The following PARD3B variants were observed in gnomAD, a reference collection of about 807,000 sequenced individuals.
PARD3B encodes the protein partitioning defective 3 homolog B.
PARD3B carries 103 observed loss-of-function variants against 130.2 expected under a neutral mutation model. The ratio of observed to expected loss-of-function variants is 0.79; its 90% confidence interval spans 0.67 to 0.93. PARD3B has a LOEUF of 0.93. Among genes scored for constraint, PARD3B ranks in the 40% least tolerant of loss-of-function variants. The pLI is 0.00. For synonymous variants in PARD3B, 583 were observed against 553.2 expected (o/e 1.05, Z -0.76); for missense variants, 1,609 against 1,499.2 (o/e 1.07, Z -1.21).
In PARD3B at chr2:205,352,885, A is replaced by T. The variant is rs1319570392; in HGVS notation, c.2631-48128A>T. ...GAAGTGCCCTATTATATTAGGAAAG[A>T]ATAACCCCCCACCAGTGGCCACATC... On this transcript the variant is annotated intron_variant, in intron 18 of 22. Coordinates refer to ENST00000406610, the MANE Select transcript of PARD3B (RefSeq NM_001302769.2). The surrounding 1 kb of genome is among the most constrained non-coding windows in gnomAD (Gnocchi z 5.2). 6.6e-6 allele frequency among the ~76,000 whole-genome samples: 1 copy of T among 152,204 alleles called. No individual in the cohort carries two copies. The highest frequency in any genetic ancestry group is 2.4e-5 in the African/African-American group (1 of 41,456).
chr2:205,238,874 A>ATG (rs2039206371), intron 15 of PARD3B, among the ~76,000 whole-genome samples: 1 of 85,320 alleles, frequency 1.2e-5, no homozygotes, highest in Non-Finnish European at 2.2e-5. Context: ...ATATATATAT[A>ATG]TATGTATGTG....
At chr2:205,462,658 A>G (rs1184156353) in intron 20 of PARD3B, among the ~76,000 whole-genome samples, 1 of 152,212 alleles carries the variant, frequency 6.6e-6, no homozygotes, top group Non-Finnish European at 1.5e-5. Context: ...ATGATGCAAC[A>G]TGATTTTCGT....
At chr2:205,379,605 A>C (rs2045229928) in intron 18 of PARD3B, among the ~76,000 whole-genome samples, 1 of 151,934 alleles carries the variant, frequency 6.6e-6, no homozygotes, top group Admixed American at 6.6e-5. Flanking sequence ...TATTACCCAC[A>C]CTCTTTAGCA....
chr2:204,942,275 T>G (rs906009782), intron 2 of PARD3B, among the ~76,000 whole-genome samples: 4 of 152,214 alleles, frequency 2.6e-5, no homozygotes, highest in Non-Finnish European at 5.9e-5. Flanking sequence ...ACTTTCCCTG[T>G]TTTTATAGTA....
intron 2 of PARD3B, among the ~76,000 whole-genome samples, chr2:204,954,336 T>G (rs957514684): frequency 2.0e-4 from 30 of 152,288 alleles, no homozygotes; most frequent in African/African-American, 5.5e-4. Context: ...GAGAAGTGCT[T>G]CCTCATCCTC....
At chr2:205,111,520 A>G (rs1335158781) in intron 5 of PARD3B, among the ~76,000 whole-genome samples, 1 of 152,094 alleles carries the variant, frequency 6.6e-6, no homozygotes, top group African/African-American at 2.4e-5. Flanking sequence ...AGTATGATAC[A>G]TATAATTTAT....
intron 2 of PARD3B, among the ~76,000 whole-genome samples, chr2:204,770,744 C>T (rs1043926763): frequency 2.6e-5 from 4 of 152,012 alleles, no homozygotes; most frequent in African/African-American, 9.7e-5. Flanking sequence ...CCTGGCACTT[C>T]TAGAACCAGC....
At chr2:205,379,035 T>C (rs941692206) in intron 18 of PARD3B, among the ~76,000 whole-genome samples, 3 of 151,900 alleles carry the variant, frequency 2.0e-5, no homozygotes, top group African/African-American at 7.3e-5. Context: ...TCCTTCAAAG[T>C]CTTGAATCAG....
intron 1 of PARD3B, among the ~76,000 whole-genome samples, chr2:204,580,320 T>C (rs139505924): frequency 4.8e-4 from 73 of 152,222 alleles, no homozygotes; most frequent in African/African-American, 1.7e-3. Context: ...TTTTTTTCCC[T>C]CTTATCCAGA....
At chr2:204,784,931 T>C (rs1262367316) in intron 2 of PARD3B, among the ~76,000 whole-genome samples, 1 of 152,200 alleles carries the variant, frequency 6.6e-6, no homozygotes, top group Non-Finnish European at 1.5e-5. Context: ...TTTTTACGTC[T>C]TGTGTTAAGA....
intron 21 of PARD3B, among the ~76,000 whole-genome samples, chr2:205,534,069 A>AAGG (rs1553538935): frequency 2.1e-5 from 3 of 144,692 alleles, no homozygotes; most frequent in African/African-American, 8.6e-5. Context: ...AAAAAAAAAA[A>AAGG]GGGACAAGAA....
intron 3 of PARD3B, among the ~76,000 whole-genome samples, chr2:205,017,114 G>A (rs765341815): frequency 7.2e-5 from 11 of 152,102 alleles, no homozygotes; most frequent in Non-Finnish European, 1.3e-4. Context: ...AACATAAAGG[G>A]AATGAGACAG....
At chr2:204,902,525 C>T (rs1182131524) in intron 2 of PARD3B, among the ~76,000 whole-genome samples, 1 of 151,840 alleles carries the variant, frequency 6.6e-6, no homozygotes, top group East Asian at 1.9e-4. Flanking sequence ...AAACATTAGC[C>T]GGGCGTGGTG....
chr2:205,159,520 C>T (rs188806634), intron 11 of PARD3B, among the ~76,000 whole-genome samples: 1 of 152,264 alleles, frequency 6.6e-6, no homozygotes, highest in Admixed American at 6.5e-5. Flanking sequence ...TGTTCAAGTC[C>T]AGCTCAGTCC....
intron 2 of PARD3B, among the ~76,000 whole-genome samples, chr2:204,733,111 A>T (rs1403740344): frequency 1.3e-5 from 2 of 152,162 alleles, no homozygotes; most frequent in Non-Finnish European, 2.9e-5. Context: ...AGGAAACAGG[A>T]GCCGACTGGA....
intron 20 of PARD3B, among the ~76,000 whole-genome samples, chr2:205,486,562 G>C (rs933485904): frequency 2.0e-5 from 3 of 152,182 alleles, no homozygotes; most frequent in African/African-American, 7.2e-5. Context: ...TCTGCCTCTG[G>C]GGAGGCCTCA....
chr2:204,950,459 G>T (rs1245095565), intron 2 of PARD3B, among the ~76,000 whole-genome samples: 2 of 152,168 alleles, frequency 1.3e-5, no homozygotes, highest in Non-Finnish European at 2.9e-5. Context: ...AACCTTGAAG[G>T]ATTCTAAGAA....
chr2:204,593,646 A>G (rs1379300247), intron 1 of PARD3B, among the ~76,000 whole-genome samples: 4 of 152,212 alleles, frequency 2.6e-5, no homozygotes, highest in Admixed American at 2.6e-4. Flanking sequence ...TTAATTTTCT[A>G]GGTAAATACT....
At chr2:205,072,116 G>C (rs761873599) in intron 4 of PARD3B, among the ~76,000 whole-genome samples, 1 of 151,994 alleles carries the variant, frequency 6.6e-6, no homozygotes, top group Non-Finnish European at 1.5e-5. Flanking sequence ...ATAGTTTGAC[G>C]ATGGTATTCC....
Sources: gnomAD v4.1 joint callset for allele counts (sites outside exome capture counted in the v4.1 genomes callset) on GRCh38, gnomAD v4.1.1 for gene constraint, Gnocchi (gnomAD v3.1) non-coding constraint, MANE v1.5 for transcripts, NCBI Gene and HGNC (gene_info 2026-07-23, HGNC 2026-07-21) for gene names.